The following NBEAL1 variants were observed in gnomAD, a reference collection of about 807,000 sequenced individuals.
The protein encoded by NBEAL1 is neurobeachin-like protein 1.
NBEAL1 carries 273 observed loss-of-function variants against 351.3 expected under a neutral mutation model. That is an observed-to-expected ratio of 0.78 (90% CI 0.70 to 0.86). NBEAL1 has a LOEUF of 0.86. Ranked by LOEUF, NBEAL1 falls within the 40% of genes least tolerant of loss-of-function variation. The probability of loss-of-function intolerance (pLI) is 0.00; values close to 1 mark genes in which losing one functional copy is unlikely to be tolerated. For synonymous variants in NBEAL1, 1,050 were observed against 1,086.4 expected (o/e 0.97, Z 0.66); for missense variants, 2,961 against 3,201.3 (o/e 0.92, Z 1.81).
chr2:203,125,989 A>G lies in NBEAL1; in HGVS notation c.2881A>G (p.Thr961Ala), dbSNP rs1312661803. 2.6e-6 allele frequency: 4 copies of G among 1,540,956 alleles called. No individual in the cohort carries two copies. Among genetic ancestry groups the G allele is most frequent in the Admixed American group, 2.1e-5 (1 of 48,556 alleles). ...AAGACTAGAGAGAAACCTAGTTGCAACATTTATCTTAATTGTGAAACATTT... is the reference window on the plus strand; with the variant it reads ...AAGACTAGAGAGAAACCTAGTTGCAGCATTTATCTTAATTGTGAAACATTT... ...ESRLERNLVA[T>A]FILIVKHFIQ... The change falls in exon 21 of 56, where the codon ACA becomes GCA. Residue 961 changes from threonine (T) to alanine (A), a missense_variant. Physicochemically the swap from Thr to Ala is moderately conservative, Grantham distance 58. Coordinates refer to ENST00000683969, the MANE Select transcript of NBEAL1 (RefSeq NM_001378026.1).
intron 8 of NBEAL1, among the ~76,000 whole-genome samples, chr2:203,082,900 G>A (rs566257622): frequency 6.6e-6 from 1 of 152,290 alleles, no homozygotes; most frequent in East Asian, 1.9e-4. Context: ...AAAGGTGAAA[G>A]GCCCAAGAGC....
chr2:203,137,402 C>G (rs2063241989), intron 29 of NBEAL1, among the ~76,000 whole-genome samples: 1 of 152,266 alleles, frequency 6.6e-6, no homozygotes, highest in African/African-American at 2.4e-5. Flanking sequence ...AAAGATTGGA[C>G]ACCCCTGCTG....
At chr2:203,020,180 A>G (rs1422970410) in intron 2 of NBEAL1, among the ~76,000 whole-genome samples, 1 of 152,170 alleles carries the variant, frequency 6.6e-6, no homozygotes, top group Non-Finnish European at 1.5e-5. Context: ...TTTCTTACCA[A>G]ACTTTTCAGG....
intron 2 of NBEAL1, among the ~76,000 whole-genome samples, chr2:203,019,898 A>C (rs2060739614): frequency 6.6e-6 from 1 of 152,214 alleles, no homozygotes; most frequent in African/African-American, 2.4e-5. Flanking sequence ...ATTAAAATAA[A>C]TTACCAGTTT....
At chr2:203,102,336 C>A (rs2062344285) in intron 12 of NBEAL1, among the ~76,000 whole-genome samples, 1 of 152,174 alleles carries the variant, frequency 6.6e-6, no homozygotes, top group Non-Finnish European at 1.5e-5. Context: ...GCTATGACTT[C>A]CTGTACTGTG....
rs2061120880 is a variant in NBEAL1, at chr2:203,040,400, G to C, written c.52-1365G>C. ...GTTGTACACATCAAAAGGATTAATGGCATGAGTTTACCGGTGGAGAGAACC... is the reference window on the plus strand; with the variant it reads ...GTTGTACACATCAAAAGGATTAATGCCATGAGTTTACCGGTGGAGAGAACC... On this transcript the variant is annotated intron_variant, in intron 2 of 55. Transcript: ENST00000683969. 4.2e-6 allele frequency: 3 copies of C among 712,912 alleles called. No individual in the cohort carries two copies. The African/African-American group carries it at 5.3e-5, about 12-fold the overall frequency. 44.2% of individuals were successfully genotyped at this position (712,912 alleles called of 1,614,324 possible).
At chr2:203,090,029 C>T (rs569508951) in intron 10 of NBEAL1, among the ~76,000 whole-genome samples, 61 of 152,188 alleles carry the variant, frequency 4.0e-4, no homozygotes, top group South Asian at 1.9e-3. Context: ...CTTGCGTCTG[C>T]TATTGATGGA....
At position 203,040,351 on chromosome 2, in the gene NBEAL1, C is replaced by G. The variant is rs151282187; in HGVS notation, c.52-1414C>G. The G allele has an allele frequency of 2.5e-3, 1,800 of 713,616 alleles. 16 individuals carry two copies. The highest frequency in any genetic ancestry group is 0.021 in the East Asian group (837 of 40,804). The allele number at this position is 713,616 out of a possible 1,614,324, so 44.2% of individuals were successfully genotyped here. ...AATGAGACCTCATGCCTTGGAATTGCCAGATAAACATGCCATGGCCTTTGT... is the reference window on the plus strand; with the variant it reads ...AATGAGACCTCATGCCTTGGAATTGGCAGATAAACATGCCATGGCCTTTGT... On this transcript the variant is annotated intron_variant, in intron 2 of 55. Transcript: ENST00000683969.
chr2:203,200,288 G>A (rs534804199), intron 49 of NBEAL1, among the ~76,000 whole-genome samples: 2 of 152,232 alleles, frequency 1.3e-5, no homozygotes, highest in African/African-American at 2.4e-5. Flanking sequence ...AGAGGCAGGC[G>A]GATCACGAGG....
At chr2:203,015,461 T>C (rs1245675363) in intron 1 of NBEAL1, among the ~76,000 whole-genome samples, 1 of 137,768 alleles carries the variant, frequency 7.3e-6, no homozygotes, top group African/African-American at 2.7e-5. Flanking sequence ...TCCCAACTAC[T>C]CCACCCCCAC....
chr2:203,058,005 G>A (rs971309125), intron 6 of NBEAL1, among the ~76,000 whole-genome samples: 2 of 151,578 alleles, frequency 1.3e-5, no homozygotes, highest in Admixed American at 6.6e-5. Flanking sequence ...CACTGCGCCC[G>A]GCTAATTTTT....
At chr2:203,077,949 A>G in intron 8 of NBEAL1, 112 bp downstream of exon 8, 1 of 511,240 alleles carries the variant, frequency 2.0e-6, no homozygotes, top group Non-Finnish European at 3.2e-6. Flanking sequence ...CCATACAAAT[A>G]TTGAACTTAT....
intron 3 of NBEAL1, among the ~76,000 whole-genome samples, chr2:203,046,704 T>TTA (rs2061232449): frequency 6.6e-6 from 1 of 152,122 alleles, no homozygotes; most frequent in Admixed American, 6.5e-5. Context: ...TTCACTCTGT[T>TTA]TATAAAGACA....
chr2:203,178,381 G>A (rs2064590206), intron 42 of NBEAL1, among the ~76,000 whole-genome samples: 1 of 152,020 alleles, frequency 6.6e-6, no homozygotes, highest in African/African-American at 2.4e-5. Context: ...TACCCAGGCT[G>A]GTCGTGAACT....
chr2:203,212,572 A>C (rs1250435037), intron 54 of NBEAL1, among the ~76,000 whole-genome samples: 1 of 148,846 alleles, frequency 6.7e-6, no homozygotes, highest in Non-Finnish European at 1.5e-5. Flanking sequence ...GCACCACTGC[A>C]CTCCAGCCTG....
In NBEAL1 at chr2:203,122,312, C is replaced by G. The variant is rs2106273602; in HGVS notation, c.2651C>G (p.Thr884Arg). Residue 884 changes from threonine (T) to arginine (R), a missense_variant, in exon 19 of 56, where the codon ACA becomes AGA. Coordinates refer to ENST00000683969, the MANE Select transcript of NBEAL1 (RefSeq NM_001378026.1). ...ACTAATTGTTTGCATGGAAGATTAA[C>G]AGGAAACAAAGTAGTGAACTGGGAC... is the stretch of plus-strand genomic sequence containing the variant. The part of the protein sequence containing the change: ...LSTNCLHGRL[T>R]GNKVVNWDIK... 1 of 1,544,310 alleles carries G rather than the reference C, an allele frequency of 6.5e-7. No individual in the cohort carries two copies. The highest frequency in any genetic ancestry group is 8.7e-7 in the Non-Finnish European group (1 of 1,143,674).
chr2:203,172,532 AAAG>A (rs1254501148), intron 40 of NBEAL1, among the ~76,000 whole-genome samples, 194 bp from the exon 41 acceptor site: 1 of 152,204 alleles, frequency 6.6e-6, no homozygotes, highest in Non-Finnish European at 1.5e-5. Flanking sequence ...AAAAAAAAGA[AAAG>A]AAAAGATTCC....
At chr2:203,187,061 T>C (rs1575102731) in intron 44 of NBEAL1, among the ~76,000 whole-genome samples, 2 of 152,222 alleles carry the variant, frequency 1.3e-5, no homozygotes. Flanking sequence ...ATTTCTCATT[T>C]TGAGAGTCTT....
chr2:203,185,315 G>A (rs565494466), intron 44 of NBEAL1, among the ~76,000 whole-genome samples: 4 of 152,144 alleles, frequency 2.6e-5, no homozygotes, highest in Non-Finnish European at 4.4e-5. Flanking sequence ...TAAGATATTA[G>A]AATTATATAT....
Sources: allele counts gnomAD v4.1 joint callset (sites outside exome capture counted in the v4.1 genomes callset), GRCh38; gene constraint gnomAD v4.1.1; transcripts MANE v1.5; gene names NCBI Gene and HGNC (gene_info 2026-07-23, HGNC 2026-07-21).